TTC6: variants seen among roughly 807,000 people sequenced by gnomAD.
TTC6 encodes the protein tetratricopeptide repeat protein 6.
TTC6 carries 172 observed loss-of-function variants against 210.4 expected under a neutral mutation model. The ratio of observed to expected loss-of-function variants is 0.82; its 90% CI spans 0.72 to 0.93. The LOEUF (loss-of-function observed/expected upper bound fraction) is 0.93. Among genes scored for constraint, TTC6 ranks in the 40% least tolerant of loss-of-function variants. TTC6 has a pLI of 0.00. For synonymous variants in TTC6, 804 were observed against 819.6 expected (o/e 0.98, Z 0.32); for missense variants, 2,414 against 2,318.1 (o/e 1.04, Z -0.85).
chr14:37,714,625 A>G, intron 5 of TTC6, 30 bp from the exon 8 acceptor site: 1 of 1,522,658 alleles, frequency 6.6e-7, no homozygotes, highest in Non-Finnish European at 8.8e-7. Context: ...TTACTTAAAA[A>G]GCAAACTTAT....
At chr14:37,812,549 C>A in intron 25 of TTC6, 116 bp downstream of exon 27, 1 of 1,013,830 alleles carries the variant, frequency 9.9e-7, no homozygotes, top group Non-Finnish European at 1.4e-6. Flanking sequence ...TCAACTTTAG[C>A]AAGAATTCTA....
intron 10 of TTC6, among the ~76,000 whole-genome samples, chr14:37,746,272 G>T (rs1278340395): frequency 6.6e-6 from 1 of 152,044 alleles, no homozygotes; most frequent in Admixed American, 6.6e-5. Flanking sequence ...GCTTTTCAAG[G>T]GTATTGTGCC....
intron 7 of TTC6, among the ~76,000 whole-genome samples, chr14:37,725,312 G>GTGTA (rs1318506400): frequency 0.013 from 445 of 33,766 alleles, no homozygotes; most frequent in Non-Finnish European, 0.017. Flanking sequence ...GTGTGTGTGT[G>GTGTA]TATATATATA....
intron 4 of TTC6, among the ~76,000 whole-genome samples, chr14:37,700,958 A>G (rs2095824197): frequency 6.6e-6 from 1 of 152,034 alleles, no homozygotes; most frequent in Non-Finnish European, 1.5e-5. Context: ...TGACCAGAGT[A>G]GCAAAGGAGT....
At chr14:37,627,654 T>A (rs2139324067) in intron 1 of TTC6, among the ~76,000 whole-genome samples, 1 of 152,326 alleles carries the variant, frequency 6.6e-6, no homozygotes, top group Non-Finnish European at 1.5e-5. Flanking sequence ...TATGGCTGCA[T>A]AGTATTCAAT....
At chr14:37,606,795 A>T in intron 2 of TTC6, 53 bp downstream of exon 2, 1 of 984,598 alleles carries the variant, frequency 1.0e-6, no homozygotes, top group Non-Finnish European at 1.2e-6. Flanking sequence ...AGTCATCAAA[A>T]GGCTCTACTC....
intron 14 of TTC6, among the ~76,000 whole-genome samples, chr14:37,767,783 G>C (rs967917721): frequency 1.3e-5 from 2 of 151,044 alleles, no homozygotes; most frequent in Non-Finnish European, 1.5e-5. Context: ...TTCTTTTGCT[G>C]TGCAGAAGCT....
chr14:37,842,098 A>C, intron 30 of TTC6, 57 bp from the exon 33 acceptor site: 1 of 1,405,208 alleles, frequency 7.1e-7, no homozygotes, highest in Non-Finnish European at 9.3e-7. Flanking sequence ...TTTGTAAAAA[A>C]AGAGACTATT....
intron 1 of TTC6, among the ~76,000 whole-genome samples, chr14:37,628,315 G>T (rs552936142): frequency 1.3e-5 from 2 of 152,274 alleles, no homozygotes; most frequent in African/African-American, 4.8e-5. Flanking sequence ...ACTGGCATGA[G>T]ATGGTATCTC....
At chr14:37,626,425 A>G (rs1474412377) in intron 1 of TTC6, among the ~76,000 whole-genome samples, 2 of 152,204 alleles carry the variant, frequency 1.3e-5, no homozygotes, top group African/African-American at 4.8e-5. Context: ...GGTCTCCCAT[A>G]AGCAAATAAC....
intron 14 of TTC6, among the ~76,000 whole-genome samples, chr14:37,767,003 T>C (rs1408567795): frequency 6.6e-6 from 1 of 152,038 alleles, no homozygotes; most frequent in Non-Finnish European, 1.5e-5. Context: ...CCTGTGTCCA[T>C]GTGATCTCAT....
intron 1 of TTC6, among the ~76,000 whole-genome samples, chr14:37,648,447 A>G (rs2095705558): frequency 1.3e-5 from 2 of 152,172 alleles, no homozygotes; most frequent in South Asian, 2.1e-4. Flanking sequence ...GTATGTTTCT[A>G]TACACTGATG....
At chr14:37,827,478 A>G (rs2096174802) in intron 29 of TTC6, 112 bp downstream of exon 31, 1 of 952,160 alleles carries the variant, frequency 1.1e-6, no homozygotes, top group Non-Finnish European at 1.5e-6. Flanking sequence ...ATTGGCTATT[A>G]GCTCTTTTAT....
At chr14:37,756,347 T>C (rs556443452) in intron 14 of TTC6, among the ~76,000 whole-genome samples, 4 of 152,340 alleles carry the variant, frequency 2.6e-5, no homozygotes, top group African/African-American at 9.6e-5. Flanking sequence ...TATTCCTTTC[T>C]CTTGCCTGAT....
chr14:37,776,755 G>C (rs1348713364), intron 14 of TTC6, among the ~76,000 whole-genome samples: 1 of 151,826 alleles, frequency 6.6e-6, no homozygotes, highest in African/African-American at 2.4e-5. Flanking sequence ...AGCCAGATGG[G>C]GTGACTATAA....
chr14:37,659,920 A>G (rs1207681326), intron 1 of TTC6, among the ~76,000 whole-genome samples: 1 of 152,036 alleles, frequency 6.6e-6, no homozygotes, highest in Non-Finnish European at 1.5e-5. Context: ...GTGTCTGTTC[A>G]TGTCATTTGC....
At chr14:37,680,283 C>T in intron 2 of TTC6, 22 bp downstream of exon 4, 2 of 1,408,350 alleles carry the variant, frequency 1.4e-6, no homozygotes, top group Middle Eastern at 1.8e-4. Flanking sequence ...AATAAAAATC[C>T]TCCTTGCCTC....
chr14:37,747,243 CT>C (rs1166844131), intron 10 of TTC6, among the ~76,000 whole-genome samples: 3 of 152,084 alleles, frequency 2.0e-5, no homozygotes, highest in Admixed American at 6.6e-5. Flanking sequence ...TCCTAGAATC[CT>C]TTATGTGTGT....
intron 7 of TTC6, among the ~76,000 whole-genome samples, chr14:37,725,310 GTGTA>G (rs1555391390): frequency 0.035 from 1,949 of 55,354 alleles, 11 homozygotes; most frequent in African/African-American, 0.053. Context: ...GTGTGTGTGT[GTGTA>G]TATATATATA....
Sources: gnomAD v4.1 joint callset for allele counts (sites outside exome capture counted in the v4.1 genomes callset) on GRCh38, gnomAD v4.1.1 for gene constraint, MANE v1.5 for transcripts, NCBI Gene and HGNC (gene_info 2026-07-23, HGNC 2026-07-21) for gene names.